Variants in PRKG1 observed in about 807,000 individuals in gnomAD.
The protein encoded by PRKG1 is protein kinase cGMP-dependent 1, also known as cGMP-dependent protein kinase 1.
Under a neutral mutation model 88.1 loss-of-function variants are expected in PRKG1, and 35 were observed. The ratio of observed to expected loss-of-function variants is 0.40; its 90% CI spans 0.30 to 0.53. PRKG1 has a LOEUF of 0.53. Ranked by LOEUF, PRKG1 falls within the 20% of genes least tolerant of loss-of-function variation. PRKG1 has a pLI of 0.59. For missense variants in PRKG1, 540 were observed against 839.8 expected, an observed-to-expected ratio of 0.64 and a Z score of 4.41; for synonymous variants, 303 against 292.5, an observed-to-expected ratio of 1.04 and a Z score of -0.37.
intron 7 of PRKG1, chr10:52,128,182 T>C: frequency 1.0e-6 from 1 of 985,380 alleles, no homozygotes; most frequent in Non-Finnish European, 1.2e-6. Flanking sequence ...CCGGGATTGC[T>C]GTAAGCTCAT....
intron 3 of PRKG1, among the ~76,000 whole-genome samples, chr10:51,525,710 G>GA (rs71029375): frequency 0.084 from 12,687 of 150,490 alleles, 706 homozygotes; most frequent in Non-Finnish European, 0.11. Flanking sequence ...AAAATAAAAA[G>GA]AAAAAAAAGA....
rs1330159274 is a variant in PRKG1 at position 52,293,459 on chromosome 10, T to C, written c.1963-343T>C. ...AAAAGAGCCTGCATCGCCAAGTCAA[T>C]CCTGAGCCAAAGAACAAAGCTGGAG... On this transcript the variant is annotated intron_variant, in intron 17 of 17. Coordinates refer to ENST00000373980, the MANE Select transcript of PRKG1 (RefSeq NM_006258.4). Among the ~76,000 whole-genome samples the C allele has an allele frequency of 3.9e-5, 6 of 152,142 alleles. No homozygotes were observed. In the East Asian group the frequency reaches 1.2e-3, roughly 29 times the overall value.
intron 17 of PRKG1, among the ~76,000 whole-genome samples, chr10:52,290,991 C>T (rs376317753): frequency 3.5e-5 from 5 of 144,188 alleles, no homozygotes; most frequent in Admixed American, 7.2e-5. Context: ...GGCGTGATCT[C>T]GGCTTACTGC....
intron 1 of PRKG1, among the ~76,000 whole-genome samples, chr10:51,126,552 T>A (rs1845427803): frequency 6.7e-6 from 1 of 149,020 alleles, no homozygotes; most frequent in Admixed American, 6.7e-5. Context: ...ATTATATAAT[T>A]TGTAGATTTA....
At position 51,744,431 on chromosome 10, in the gene PRKG1, G is replaced by A. The variant is rs1013810267; in HGVS notation, c.593-60154G>A. ...TGAGGAAACCTTGTTTCAAGTTAGA[G>A]GCTGAAGAGAGGAACCACAGCCAGT... On this transcript the variant is annotated intron_variant, in intron 3 of 17. Transcript: ENST00000373980. Among the ~76,000 whole-genome samples the A allele has an allele frequency of 6.6e-5, 10 of 152,104 alleles. No homozygotes were observed. In the South Asian group the frequency reaches 1.9e-3, roughly 28 times the overall value.
At chr10:50,999,327 T>A (rs1842864390) in intron 1 of PRKG1, among the ~76,000 whole-genome samples, 1 of 152,246 alleles carries the variant, frequency 6.6e-6, no homozygotes, top group Non-Finnish European at 1.5e-5. Flanking sequence ...ATGACTGTGC[T>A]GATTTCATCT....
intron 1 of PRKG1, among the ~76,000 whole-genome samples, chr10:51,000,715 G>C (rs140816594): frequency 6.6e-6 from 1 of 152,084 alleles, no homozygotes; most frequent in Non-Finnish European, 1.5e-5. Flanking sequence ...TGTTGCTGAG[G>C]GTAAGGCTAA....
At chr10:51,001,385 C>T (rs1020025999) in intron 1 of PRKG1, among the ~76,000 whole-genome samples, 7 of 152,152 alleles carry the variant, frequency 4.6e-5, no homozygotes, top group Admixed American at 2.6e-4. Context: ...TCCCCCGACT[C>T]CTTTCTTTGT....
chr10:52,199,928 T>G (rs1219496602), intron 9 of PRKG1, among the ~76,000 whole-genome samples: 1 of 152,152 alleles, frequency 6.6e-6, no homozygotes, highest in Non-Finnish European at 1.5e-5. Context: ...TTCAGGACAA[T>G]TTGTTGGAAT....
At chr10:51,700,734 A>C (rs1232812214) in intron 3 of PRKG1, among the ~76,000 whole-genome samples, 1 of 152,194 alleles carries the variant, frequency 6.6e-6, no homozygotes, top group Non-Finnish European at 1.5e-5. Flanking sequence ...GAATATATGA[A>C]ATGAAGCTAG....
Position 52,195,994 on chromosome 10 carries a change from G to A in PRKG1, c.1076+34031G>A, listed in dbSNP as rs560882549. ...ATGTGTGTAATGGTTGATTAAACAT[G>A]CAAAAAAATGTTTTTTGTTTTTTGT... On this transcript the variant is annotated intron_variant, in intron 9 of 17. Coordinates refer to ENST00000373980, the MANE Select transcript of PRKG1 (RefSeq NM_006258.4). Among the ~76,000 whole-genome samples the A allele has an allele frequency of 3.3e-5, 5 of 151,970 alleles. No individual in the cohort carries two copies. In the South Asian group the frequency reaches 8.3e-4, roughly 25 times the overall value.
At chr10:51,501,528 A>G (rs1189747651) in intron 3 of PRKG1, among the ~76,000 whole-genome samples, 1 of 151,994 alleles carries the variant, frequency 6.6e-6, no homozygotes, top group East Asian at 1.9e-4. Flanking sequence ...CTGACATCCA[A>G]GCTCTCTCCA....
chr10:51,892,133 A>C (rs1489664757), intron 4 of PRKG1, among the ~76,000 whole-genome samples: 2 of 152,204 alleles, frequency 1.3e-5, no homozygotes, highest in African/African-American at 4.8e-5. Flanking sequence ...GAATTCCTCA[A>C]TACGTTAATA....
chr10:51,720,239 C>T (rs1467428079), intron 3 of PRKG1, among the ~76,000 whole-genome samples: 3 of 152,142 alleles, frequency 2.0e-5, no homozygotes, highest in Admixed American at 6.6e-5. Context: ...ATAATTCATT[C>T]CCTGATTATA....
rs149212965 is a variant in PRKG1 at position 51,591,801 on chromosome 10, AT to A, written c.592+123968del. 1.2e-4 allele frequency among the ~76,000 whole-genome samples: 19 copies of A among 152,290 alleles called. No homozygotes were observed. The East Asian group carries it at 3.7e-3, about 29-fold the overall frequency. ...TCCAGAATCTCTACTTATAAAAAACATTTCTGATTTTGTAATTAAGAAGCCC... is the reference window on the plus strand; with the variant it reads ...TCCAGAATCTCTACTTATAAAAAACATTCTGATTTTGTAATTAAGAAGCCC... On this transcript the variant is annotated intron_variant, in intron 3 of 17. Transcript: ENST00000373980.
intron 2 of PRKG1, among the ~76,000 whole-genome samples, chr10:51,429,697 C>T (rs1008582788): frequency 1.3e-5 from 2 of 151,498 alleles, no homozygotes; most frequent in Admixed American, 1.3e-4. Flanking sequence ...ATGAAATATT[C>T]ACTAGAGCAG....
At position 52,064,801 on chromosome 10, in the gene PRKG1, C is replaced by T. The variant is rs532396671; in HGVS notation, c.935+2170C>T. ...CCTGCTGGCTCCATGGGTGTGCAGACCTGGCCATACCTCCCTGCTGCACCC... is the reference window on the plus strand; with the variant it reads ...CCTGCTGGCTCCATGGGTGTGCAGATCTGGCCATACCTCCCTGCTGCACCC... On this transcript the variant is annotated intron_variant, in intron 7 of 17. Transcript: ENST00000373980. Among the ~76,000 whole-genome samples the T allele has an allele frequency of 4.6e-5, 7 of 152,292 alleles. No individual in the cohort carries two copies. In the South Asian group the frequency reaches 8.3e-4, roughly 18 times the overall value.
intron 2 of PRKG1, among the ~76,000 whole-genome samples, chr10:51,174,922 A>G (rs1388646237): frequency 6.6e-6 from 1 of 151,988 alleles, no homozygotes; most frequent in Non-Finnish European, 1.5e-5. Flanking sequence ...GTTAAAGTTC[A>G]TCCAGTCCTC....
intron 2 of PRKG1, among the ~76,000 whole-genome samples, chr10:51,410,435 C>T (rs960153680): frequency 6.6e-6 from 1 of 151,974 alleles, no homozygotes; most frequent in African/African-American, 2.4e-5. Context: ...AAGCATCCAA[C>T]ACAGGAGAAA....
Sources: gnomAD v4.1 joint callset for allele counts (sites outside exome capture counted in the v4.1 genomes callset) on GRCh38, gnomAD v4.1.1 for gene constraint, MANE v1.5 for transcripts, NCBI Gene and HGNC (gene_info 2026-07-23, HGNC 2026-07-21) for gene names.